The following RNGTT variants were observed in gnomAD, a reference collection of about 807,000 sequenced individuals.
RNGTT encodes RNA guanylyltransferase and 5'-phosphatase.
RNGTT carries 33 observed loss-of-function variants against 79.3 expected under a neutral mutation model. That is an observed-to-expected ratio of 0.42 (90% CI 0.32 to 0.56). The LOEUF is 0.56. Ranked by LOEUF, RNGTT falls within the 20% of genes least tolerant of loss-of-function variation. The probability of loss-of-function intolerance (pLI) is 0.17; values close to 1 mark genes in which losing one functional copy is unlikely to be tolerated. For synonymous variants in RNGTT, 222 were observed against 235.9 expected, an observed-to-expected ratio of 0.94 and a Z score of 0.54; for missense variants, 497 against 739.1, an observed-to-expected ratio of 0.67 and a Z score of 3.80.
At chr6:88,784,682 G>A (rs1250416017) in intron 12 of RNGTT, among the ~76,000 whole-genome samples, 1 of 152,084 alleles carries the variant, frequency 6.6e-6, no homozygotes, top group African/African-American at 2.4e-5. Context: ...CAAAATGTGT[G>A]CTTTTAAATA....
At chr6:88,662,847 A>G (rs1774241452) in intron 14 of RNGTT, among the ~76,000 whole-genome samples, 1 of 152,204 alleles carries the variant, frequency 6.6e-6, no homozygotes, top group Admixed American at 6.5e-5. Flanking sequence ...GAGTCTGGAC[A>G]TCTGGAACAT....
chr6:88,825,955 T>C (rs1295507090), intron 11 of RNGTT, among the ~76,000 whole-genome samples: 1 of 152,256 alleles, frequency 6.6e-6, no homozygotes, highest in Non-Finnish European at 1.5e-5. Flanking sequence ...CTTTCTAATC[T>C]ATTCAAATGC....
At chr6:88,842,936 A>C (rs185183320) in intron 11 of RNGTT, among the ~76,000 whole-genome samples, 5 of 151,950 alleles carry the variant, frequency 3.3e-5, no homozygotes, top group Non-Finnish European at 7.4e-5. Flanking sequence ...TTAGCTGGAC[A>C]TGGTAGTATG....
chr6:88,952,004 G>C (rs745961597), intron 1 of RNGTT, among the ~76,000 whole-genome samples: 1 of 152,292 alleles, frequency 6.6e-6, no homozygotes, highest in Middle Eastern at 3.4e-3. Flanking sequence ...CAGACAGGGA[G>C]GGGTAGGGCC....
rs146337971 is a variant in RNGTT at position 88,946,477 on chromosome 6, T to C, written c.65-5297A>G. ...ATGGCCTCTAAGTGTTCAAGTGAAA[T>C]GAAGAATCATATGTCTCTCATTTAA... On this transcript the variant is annotated intron_variant, in intron 1 of 15. Coordinates refer to ENST00000369485, the MANE Select transcript of RNGTT (RefSeq NM_003800.5). 3.0e-4 allele frequency among the ~76,000 whole-genome samples: 46 copies of C among 152,246 alleles called. 1 individual carries two copies. In the East Asian group the frequency reaches 7.1e-3, roughly 24 times the overall value.
At chr6:88,651,183 T>C (rs1773783750) in intron 14 of RNGTT, among the ~76,000 whole-genome samples, 1 of 151,990 alleles carries the variant, frequency 6.6e-6, no homozygotes, top group African/African-American at 2.4e-5. Context: ...ATCCCTTTGG[T>C]CAAGTCACTT....
At chr6:88,806,998 A>T (rs1779979210) in intron 11 of RNGTT, among the ~76,000 whole-genome samples, 1 of 152,322 alleles carries the variant, frequency 6.6e-6, no homozygotes, top group Middle Eastern at 3.4e-3. Flanking sequence ...GAACGAAAAA[A>T]CAAAACACTG....
At chr6:88,752,906 A>G (rs1777886817) in intron 13 of RNGTT, among the ~76,000 whole-genome samples, 1 of 152,140 alleles carries the variant, frequency 6.6e-6, no homozygotes, top group Non-Finnish European at 1.5e-5. Flanking sequence ...TTAAAAAATA[A>G]AAAAAGATTT....
intron 11 of RNGTT, among the ~76,000 whole-genome samples, chr6:88,831,859 A>G (rs1780879306): frequency 1.3e-5 from 2 of 152,220 alleles, no homozygotes; most frequent in Admixed American, 6.5e-5. Context: ...AGAGAATAAA[A>G]TACCTAGGAA....
At chr6:88,781,105 T>C (rs1372230613) in intron 12 of RNGTT, among the ~76,000 whole-genome samples, 1 of 152,164 alleles carries the variant, frequency 6.6e-6, no homozygotes, top group East Asian at 1.9e-4. Context: ...TGAGAAAACC[T>C]GATGTAAATG....
At chr6:88,836,446 A>C (rs928323788) in intron 11 of RNGTT, among the ~76,000 whole-genome samples, 2 of 152,222 alleles carry the variant, frequency 1.3e-5, no homozygotes, top group South Asian at 4.2e-4. Flanking sequence ...ATGACAAATA[A>C]ATTATCAGAT....
At chr6:88,950,831 C>CA (rs1411141094) in intron 1 of RNGTT, among the ~76,000 whole-genome samples, 2 of 148,628 alleles carry the variant, frequency 1.3e-5, no homozygotes, top group Non-Finnish European at 3.0e-5. Flanking sequence ...GATACTGTCT[C>CA]AAAAAAATAT....
intron 13 of RNGTT, among the ~76,000 whole-genome samples, chr6:88,757,127 C>T (rs2127833709): frequency 6.6e-6 from 1 of 152,210 alleles, no homozygotes; most frequent in East Asian, 1.9e-4. Context: ...AGTTACTGGT[C>T]CCTGAGGATA....
Position 88,848,644 on chromosome 6 carries a change from AAAAGAATATCAT to A in RNGTT, c.1104+1099_1104+1110del, listed in dbSNP as rs145532732. Among the ~76,000 whole-genome samples, 1,186 of 143,152 alleles carry A rather than the reference AAAAGAATATCAT, an allele frequency of 8.3e-3. 8 individuals carry two copies. The highest frequency in any genetic ancestry group is 0.033 in the African/African-American group (1,097 of 33,090). 93.9% of individuals were successfully genotyped at this position (143,152 alleles called of 152,430 possible). The stretch of plus-strand genomic sequence containing the variant: ...ATTTATATAACACCAGAAACCTTGC[AAAAGAATATCAT>A]ATATATTTCATGGATACACACATAG... On this transcript the variant is annotated intron_variant, in intron 10 of 15. Coordinates refer to ENST00000369485, the MANE Select transcript of RNGTT (RefSeq NM_003800.5).
rs144963120 is a variant in RNGTT, at chr6:88,802,727, G to A, written c.1270-1095C>T. 6.2e-3 allele frequency among the ~76,000 whole-genome samples: 937 copies of A among 152,280 alleles called. 18 individuals carry two copies. The highest frequency in any genetic ancestry group is 0.021 in the African/African-American group (856 of 41,554). Reference sequence around the variant, plus strand: ...TACATGGCAGCAGGCAAGAGAATGAGTGTCAAGCAAAGGGGGAAGCCCCTT... The same window carrying A: ...TACATGGCAGCAGGCAAGAGAATGAATGTCAAGCAAAGGGGGAAGCCCCTT... On this transcript the variant is annotated intron_variant, in intron 11 of 15. Coordinates refer to ENST00000369485, the MANE Select transcript of RNGTT (RefSeq NM_003800.5).
intron 11 of RNGTT, among the ~76,000 whole-genome samples, chr6:88,815,790 T>G (rs766504225): frequency 6.6e-6 from 1 of 152,208 alleles, no homozygotes; most frequent in Non-Finnish European, 1.5e-5. Flanking sequence ...AGCTTCACTT[T>G]AATAGACATT....
chr6:88,914,547 C>T (rs763698839), intron 4 of RNGTT, among the ~76,000 whole-genome samples: 3 of 152,090 alleles, frequency 2.0e-5, no homozygotes, highest in Non-Finnish European at 4.4e-5. Context: ...AAAGGGCTCC[C>T]TATTCGATAA....
intron 11 of RNGTT, among the ~76,000 whole-genome samples, chr6:88,839,979 A>T (rs1389961890): frequency 6.6e-6 from 1 of 152,216 alleles, no homozygotes. Flanking sequence ...TCCTAAAATC[A>T]GAATCATCTT....
chr6:88,821,576 T>C (rs1780498086), intron 11 of RNGTT, among the ~76,000 whole-genome samples: 1 of 151,952 alleles, frequency 6.6e-6, no homozygotes, highest in South Asian at 2.1e-4. Context: ...TATATTAATA[T>C]TTCTAAGCAA....
Sources: allele counts gnomAD v4.1 joint callset (sites outside exome capture counted in the v4.1 genomes callset), GRCh38; gene constraint gnomAD v4.1.1; transcripts MANE v1.5; gene names NCBI Gene and HGNC (gene_info 2026-07-23, HGNC 2026-07-21).